The following SNTB1 variants were observed in gnomAD, a reference collection of about 807,000 sequenced individuals.
SNTB1 encodes the protein syntrophin beta 1.
In SNTB1, 36 loss-of-function variants were observed where a neutral mutation model predicts 48.9. The observed-to-expected ratio is 0.74, with a 90% CI of 0.56 to 0.97. The LOEUF (loss-of-function observed/expected upper bound fraction) is 0.97, where lower values mean the gene tolerates loss of function less well. Among genes scored for constraint, SNTB1 ranks in the 50% least tolerant of loss-of-function variants. The pLI is 0.00. For synonymous variants in SNTB1, 299 were observed against 294.6 expected, an observed-to-expected ratio of 1.01 and a Z score of -0.15; for missense variants, 786 against 703.4, an observed-to-expected ratio of 1.12 and a Z score of -1.33.
At chr8:120,596,688 C>T (rs531600190) in intron 3 of SNTB1, among the ~76,000 whole-genome samples, 1 of 152,300 alleles carries the variant, frequency 6.6e-6, no homozygotes, top group East Asian at 1.9e-4. Flanking sequence ...CATTCCTGGG[C>T]TCTTCTCCAC....
At chr8:120,591,798 G>C (rs577371421) in intron 3 of SNTB1, among the ~76,000 whole-genome samples, 23 of 152,256 alleles carry the variant, frequency 1.5e-4, no homozygotes, top group African/African-American at 5.5e-4. Context: ...TGTGTGCAAA[G>C]AGTGTGATTT....
At chr8:120,774,436 AC>A (rs1819697299) in intron 1 of SNTB1, among the ~76,000 whole-genome samples, 1 of 152,188 alleles carries the variant, frequency 6.6e-6, no homozygotes, top group African/African-American at 2.4e-5. Flanking sequence ...GGAGGATGGT[AC>A]TATCAGATTT....
At chr8:120,665,003 T>C (rs760619187) in intron 2 of SNTB1, among the ~76,000 whole-genome samples, 4 of 152,242 alleles carry the variant, frequency 2.6e-5, no homozygotes, top group African/African-American at 4.8e-5. Context: ...GTGGTTTTAA[T>C]TTGCATGTGT....
intron 2 of SNTB1, among the ~76,000 whole-genome samples, chr8:120,647,518 G>C (rs1563841047): frequency 6.7e-6 from 1 of 149,132 alleles, no homozygotes. Flanking sequence ...TGATTGCACT[G>C]TGGTCTGAGA....
rs1307518236 is a variant in SNTB1 at position 120,586,834 on chromosome 8, G to A, written c.997-11609C>T. Among the ~76,000 whole-genome samples, 3 of 152,174 alleles carry A rather than the reference G, an allele frequency of 2.0e-5. No homozygotes were observed. In the East Asian group the frequency reaches 5.8e-4, roughly 29 times the overall value. On this transcript the variant is annotated intron_variant, in intron 3 of 6. Coordinates refer to ENST00000517992, the MANE Select transcript of SNTB1 (RefSeq NM_021021.4). ...CCCTCCCTTGTCTCTTCTAAAAATGGGCAAATGGGGGAAAGAAGGTAGATA... is the reference window on the plus strand; with the variant it reads ...CCCTCCCTTGTCTCTTCTAAAAATGAGCAAATGGGGGAAAGAAGGTAGATA...
intron 1 of SNTB1, among the ~76,000 whole-genome samples, chr8:120,759,864 C>T (rs1222786977): frequency 6.9e-6 from 1 of 145,268 alleles, no homozygotes; most frequent in Admixed American, 6.6e-5. Context: ...CCTCTCCAGC[C>T]CTTGACAGGT....
rs761851804 is a variant in SNTB1, at chr8:120,548,990, AT to A, written c.1137-33del. On this transcript the variant is annotated intron_variant, in intron 4 of 6. Coordinates refer to ENST00000517992, the MANE Select transcript of SNTB1 (RefSeq NM_021021.4). ...AGAGAGAGAGAGAGACATCATCAAA[AT>A]GGAGACTAGTTTATTCACCTGGCAT... 16 of 1,505,636 alleles carry A rather than the reference AT, an allele frequency of 1.1e-5. No individual in the cohort carries two copies. In the East Asian group the frequency reaches 3.6e-4, roughly 34 times the overall value. The allele number at this position is 1,505,636 out of a possible 1,614,324, so 93.3% of individuals were successfully genotyped here.
chr8:120,765,037 C>T (rs1419905723), intron 1 of SNTB1, among the ~76,000 whole-genome samples: 1 of 152,044 alleles, frequency 6.6e-6, no homozygotes, highest in East Asian at 1.9e-4. Flanking sequence ...ACCAGCCTGA[C>T]CAACAAGGTG....
rs1371416551 is a variant in SNTB1, at chr8:120,632,078, GC to G, written c.996+365del. 2.0e-5 allele frequency among the ~76,000 whole-genome samples: 3 copies of G among 152,118 alleles called. No homozygotes were observed. In the East Asian group the frequency reaches 5.8e-4, roughly 29 times the overall value. On this transcript the variant is annotated intron_variant, in intron 3 of 6. Transcript: ENST00000517992. Reference sequence around the variant, plus strand: ...CAAAACCCACACAAACCCTTTTTAAGCAATAATTTTGACTTCCTTGCCTCCC... The same window carrying G: ...CAAAACCCACACAAACCCTTTTTAAGAATAATTTTGACTTCCTTGCCTCCC...
intron 3 of SNTB1, among the ~76,000 whole-genome samples, chr8:120,590,717 G>A (rs1816227266): frequency 7.4e-6 from 1 of 134,472 alleles, no homozygotes. Context: ...GAGTCGCTCT[G>A]TAGTCTAGGC....
At chr8:120,744,101 G>A (rs1819085996) in intron 1 of SNTB1, among the ~76,000 whole-genome samples, 1 of 139,580 alleles carries the variant, frequency 7.2e-6, no homozygotes, top group South Asian at 2.5e-4. Context: ...CTGCACTCAA[G>A]CCTGGGTGAC....
chr8:120,631,731 T>C (rs561351991), intron 3 of SNTB1, among the ~76,000 whole-genome samples: 2 of 152,248 alleles, frequency 1.3e-5, no homozygotes, highest in South Asian at 4.1e-4. Flanking sequence ...TTACTATCTT[T>C]AACATATCAC....
chr8:120,770,809 G>C (rs921175792), intron 1 of SNTB1, among the ~76,000 whole-genome samples: 1 of 152,014 alleles, frequency 6.6e-6, no homozygotes, highest in African/African-American at 2.4e-5. Flanking sequence ...GCAAAACTCT[G>C]TCTCAAAAAA....
chr8:120,632,315 G>A, intron 3 of SNTB1, 129 bp downstream of exon 3: 3 of 880,108 alleles, frequency 3.4e-6, no homozygotes, highest in South Asian at 1.6e-5. Context: ...GCCTGCTGGA[G>A]AGGAATGAGA....
At chr8:120,713,210 A>G (rs1818494902) in intron 1 of SNTB1, among the ~76,000 whole-genome samples, 1 of 152,160 alleles carries the variant, frequency 6.6e-6, no homozygotes, top group Admixed American at 6.5e-5. Flanking sequence ...GATACACCTG[A>G]TAGAATATTT....
At chr8:120,707,467 G>T (rs1251065417) in intron 1 of SNTB1, among the ~76,000 whole-genome samples, 1 of 152,144 alleles carries the variant, frequency 6.6e-6, no homozygotes, top group East Asian at 1.9e-4. Flanking sequence ...AAGCTTTAAG[G>T]TTCTATCAGA....
chr8:120,752,917 C>T (rs940263518), intron 1 of SNTB1, among the ~76,000 whole-genome samples: 12 of 149,412 alleles, frequency 8.0e-5, no homozygotes, highest in African/African-American at 3.0e-4. Context: ...CACCAAACCC[C>T]AGCAACATGC....
At chr8:120,764,951 G>C (rs1819492257) in intron 1 of SNTB1, among the ~76,000 whole-genome samples, 1 of 152,092 alleles carries the variant, frequency 6.6e-6, no homozygotes, top group Non-Finnish European at 1.5e-5. Context: ...CACAGCTGGG[G>C]GCAGTGGCTC....
intron 1 of SNTB1, among the ~76,000 whole-genome samples, chr8:120,722,516 A>G (rs973141013): frequency 4.6e-5 from 7 of 152,112 alleles, no homozygotes; most frequent in Non-Finnish European, 7.4e-5. Context: ...GCATTTTTTC[A>G]TGTGTCTTTC....
Sources: allele counts gnomAD v4.1 joint callset (sites outside exome capture counted in the v4.1 genomes callset), GRCh38; gene constraint gnomAD v4.1.1; transcripts MANE v1.5; gene names NCBI Gene and HGNC (gene_info 2026-07-23, HGNC 2026-07-21).